Variants in DGKI observed in about 807,000 individuals in gnomAD.
DGKI encodes the protein DAG kinase iota.
A neutral mutation model predicts 147.5 loss-of-function variants in DGKI; 55 were observed. That is an observed-to-expected ratio of 0.37 (90% CI 0.30 to 0.47). The LOEUF is 0.47. DGKI is among the 20% of genes least tolerant of loss of function. The pLI, the probability that DGKI is intolerant of heterozygous loss-of-function variation, is 1.00. For synonymous variants in DGKI, 469 were observed against 477.1 expected, an observed-to-expected ratio of 0.98 and a Z score of 0.22; for missense variants, 1,007 against 1,323.8, an observed-to-expected ratio of 0.76 and a Z score of 3.71.
intron 1 of DGKI, among the ~76,000 whole-genome samples, chr7:137,842,177 G>A (rs950243131): frequency 2.0e-5 from 3 of 152,136 alleles, no homozygotes; most frequent in African/African-American, 7.2e-5. Flanking sequence ...TTACAAAAGA[G>A]GATACATACT....
At chr7:137,704,169 C>G (rs1793932085) in intron 1 of DGKI, among the ~76,000 whole-genome samples, 2 of 152,142 alleles carry the variant, frequency 1.3e-5, no homozygotes, top group Admixed American at 1.3e-4. Context: ...CAAGATTGTG[C>G]CACTGCACTC....
rs565718008 is a variant in DGKI at position 137,689,918 on chromosome 7, C to A, written c.486G>T (p.Glu162Asp). Residue 162 changes from glutamate to aspartate, a missense_variant, in exon 2 of 33, where the codon GAG (glutamate) becomes GAT (aspartate). Physicochemically the swap from Glu to Asp is conservative, Grantham distance 45. Around this residue, in one of 5 missense-constraint regions of DGKI, gnomAD observed 259 missense variants for 362.5 expected, o/e 0.71. Coordinates refer to ENST00000614521, the MANE Select transcript of DGKI (RefSeq NM_001321708.2). ...CACTCCAGTCCAAAGTCGCTCTGGG[C>A]TCCTTGGCTGGACCATTTGCCACAG... is the stretch of plus-strand genomic sequence containing the variant. ...SLPVANGPAK[E>D]PRATLDWSEN... 5 of 1,604,318 alleles carry A rather than the reference C, an allele frequency of 3.1e-6. No homozygotes were observed. In the Middle Eastern group the frequency reaches 5.0e-4, roughly 160 times the overall value.
chr7:137,569,275 C>T (rs1171971484), intron 19 of DGKI, among the ~76,000 whole-genome samples: 1 of 152,040 alleles, frequency 6.6e-6, no homozygotes, highest in Non-Finnish European at 1.5e-5. Flanking sequence ...GCAGACAATC[C>T]CTGAGAGCCT....
At chr7:137,537,587 C>T (rs1198113067) in intron 20 of DGKI, among the ~76,000 whole-genome samples, 1 of 151,964 alleles carries the variant, frequency 6.6e-6, no homozygotes, top group Non-Finnish European at 1.5e-5. Context: ...GTTTTGGTAC[C>T]CTCGAAATTG....
intron 6 of DGKI, among the ~76,000 whole-genome samples, chr7:137,644,133 G>A (rs1821749396): frequency 6.6e-6 from 1 of 152,182 alleles, no homozygotes; most frequent in South Asian, 2.1e-4. Flanking sequence ...AAGAGAGAAA[G>A]GTCATGTGAG....
intron 7 of DGKI, among the ~76,000 whole-genome samples, chr7:137,622,886 C>A (rs1820799750): frequency 6.6e-6 from 1 of 152,180 alleles, no homozygotes; most frequent in Non-Finnish European, 1.5e-5. Context: ...ACATTACCAT[C>A]AGATCCTAAT....
chr7:137,730,718 C>T (rs1794853393), intron 1 of DGKI, among the ~76,000 whole-genome samples: 2 of 152,044 alleles, frequency 1.3e-5, no homozygotes, highest in African/African-American at 2.4e-5. Flanking sequence ...TCCATCACCC[C>T]GCAAAATGTC....
intron 27 of DGKI, among the ~76,000 whole-genome samples, chr7:137,455,788 A>G (rs1814179038): frequency 6.6e-6 from 1 of 151,964 alleles, no homozygotes; most frequent in Non-Finnish European, 1.5e-5. Context: ...CATGCCCGAT[A>G]TGACTCCCCA....
In DGKI at chr7:137,622,392, T is replaced by C. The variant is rs77233172; in HGVS notation, c.876+1091A>G. Among the ~76,000 whole-genome samples, 1,091 of 152,336 alleles carry C rather than the reference T, an allele frequency of 7.2e-3. 11 individuals are homozygous for C. Among genetic ancestry groups the C allele is most frequent in the African/African-American group, 0.025 (1,033 of 41,558 alleles). On this transcript the variant is annotated intron_variant, in intron 7 of 32. Transcript: ENST00000614521. Reference sequence around the variant, plus strand: ...AACCTCACCAAGACACCACAGCCTTTTCTTTGCAGGTCCCCTGTGCAATGA... The same window carrying C: ...AACCTCACCAAGACACCACAGCCTTCTCTTTGCAGGTCCCCTGTGCAATGA...
intron 1 of DGKI, among the ~76,000 whole-genome samples, chr7:137,844,271 C>T (rs146833023): frequency 0.016 from 2,417 of 152,262 alleles, 67 homozygotes; most frequent in Admixed American, 0.071. Context: ...CAAACATGCT[C>T]CAGATGGAAG....
intron 1 of DGKI, among the ~76,000 whole-genome samples, chr7:137,799,094 TAAGGCAA>T (rs1797118791): frequency 6.6e-6 from 1 of 152,096 alleles, no homozygotes; most frequent in Non-Finnish European, 1.5e-5. Context: ...CTCTCTTAGA[TAAGGCAA>T]AAAAGATGTC....
At chr7:137,734,913 C>CT (rs1794980355) in intron 1 of DGKI, among the ~76,000 whole-genome samples, 2 of 152,106 alleles carry the variant, frequency 1.3e-5, no homozygotes, top group Admixed American at 6.5e-5. Flanking sequence ...CAACTACTCC[C>CT]TCTCCTTTAC....
At position 137,846,652 on chromosome 7, in the gene DGKI, T is replaced by C; in HGVS notation, c.211A>G (p.Ser71Gly). ...EEKGATGGSS[S>G]SGSGAGSCCL... ...CAGCTCCCGGCGCCGCTTCCGCTGC[T>C]GCTGCTGCCGCCCGTCGCCCCTTTC... The change falls in exon 1 of 33, where the codon AGC (serine) becomes GGC (glycine). Residue 71 changes from serine (S) to glycine (G), a missense_variant. This residue lies in a region of DGKI where 137 missense variants were observed against 114.4 expected (regional missense o/e 1.20). Coordinates refer to ENST00000614521, the MANE Select transcript of DGKI (RefSeq NM_001321708.2). This position sits in a 1 kb window ranked among gnomAD's most constrained non-coding sequence, Gnocchi z 4.0. 9.4e-7 allele frequency: 1 copy of C among 1,068,876 alleles called. No individual in the cohort carries two copies. Among genetic ancestry groups the C allele is most frequent in the Non-Finnish European group, 1.1e-6 (1 of 884,176 alleles). The allele number at this position is 1,068,876 out of a possible 1,614,324, so 66.2% of individuals were successfully genotyped here.
At chr7:137,712,594 A>T (rs1794248798) in intron 1 of DGKI, among the ~76,000 whole-genome samples, 1 of 152,198 alleles carries the variant, frequency 6.6e-6, no homozygotes, top group South Asian at 2.1e-4. Flanking sequence ...CTCTCCCAAT[A>T]GCAAATGGTA....
intron 6 of DGKI, 114 bp from the exon 7 acceptor site, chr7:137,623,668 A>G: frequency 1.2e-6 from 1 of 834,366 alleles, no homozygotes; most frequent in South Asian, 1.4e-5. Context: ...ACTGTCACCC[A>G]CCACTGGAGG....
rs1585319432 is a variant in DGKI, at chr7:137,641,876, T to G, written c.804+3596A>C. ...AAACATATTTTCACAATTACCATAA[T>G]GCTAGGTTTGGATGTTTGCTTCCCT... On this transcript the variant is annotated intron_variant, in intron 6 of 32. Transcript: ENST00000614521. Among the ~76,000 whole-genome samples the G allele has an allele frequency of 7.2e-5, 11 of 152,370 alleles. 4 individuals are homozygous for G. Among genetic ancestry groups the G allele is most frequent in the Admixed American group, 7.2e-4 (11 of 15,308 alleles).
chr7:137,832,335 C>A (rs1798242813), intron 1 of DGKI, among the ~76,000 whole-genome samples: 1 of 152,374 alleles, frequency 6.6e-6, no homozygotes, highest in South Asian at 2.1e-4. Flanking sequence ...TGAACTTCTG[C>A]CTGGGCATCC....
At chr7:137,689,471 T>C (rs1823531053) in intron 2 of DGKI, among the ~76,000 whole-genome samples, 1 of 152,022 alleles carries the variant, frequency 6.6e-6, no homozygotes, top group Non-Finnish European at 1.5e-5. Flanking sequence ...GGAAAAGCAA[T>C]AGAATGACAT....
intron 3 of DGKI, among the ~76,000 whole-genome samples, chr7:137,663,248 A>G (rs1316321106): frequency 6.6e-6 from 1 of 152,172 alleles, no homozygotes; most frequent in Non-Finnish European, 1.5e-5. Context: ...ACTTGAGGAG[A>G]CAAGAGGAAC....
Sources: gnomAD v4.1 joint callset for allele counts (sites outside exome capture counted in the v4.1 genomes callset) on GRCh38, gnomAD v4.1.1 for gene constraint, gnomAD v4.1.1 regional missense constraint, Gnocchi (gnomAD v3.1) non-coding constraint, MANE v1.5 for transcripts, NCBI Gene and HGNC (gene_info 2026-07-23, HGNC 2026-07-21) for gene names.